DNAJC11: variants seen among roughly 807,000 people sequenced by gnomAD.
DNAJC11 encodes dnaJ homolog subfamily C member 11.
DNAJC11 carries 15 observed loss-of-function variants against 78.6 expected under a neutral mutation model. That is an observed-to-expected ratio of 0.19 (90% confidence interval 0.13 to 0.29). The LOEUF (loss-of-function observed/expected upper bound fraction) is 0.29. DNAJC11 is among the 10% of genes least tolerant of loss of function. DNAJC11 has a pLI of 1.00. For missense variants in DNAJC11, 547 were observed against 709.6 expected (o/e 0.77, Z 2.60); for synonymous variants, 292 against 272.1 (o/e 1.07, Z -0.72).
Position 6,653,099 on chromosome 1 carries a change from C to T in DNAJC11, c.508-148G>A. On this transcript the variant is annotated intron_variant, in intron 5 of 15. Transcript: ENST00000377577. This position sits in a 1 kb window ranked among gnomAD's most constrained non-coding sequence, Gnocchi z 4.5. ...ACACATGGATGCAGAACTGCCGCAA[C>T]AGCTTCACTTTTCTTCCGCTTTGTT... The T allele has an allele frequency of 1.1e-6, 1 of 908,894 alleles. No homozygotes were observed. Among genetic ancestry groups the T allele is most frequent in the Admixed American group, 2.4e-5 (1 of 40,830 alleles). The allele number at this position is 908,894 out of a possible 1,614,324, so 56.3% of individuals were successfully genotyped here.
In DNAJC11 at chr1:6,695,787, GAC is replaced by G. The variant is rs528668442; in HGVS notation, c.72+5940_72+5941del. The stretch of plus-strand genomic sequence containing the variant: ...TGCGCCATTGCACTCCAGCCAGGGT[GAC>G]AGTGTGAGACTCCATCTCAAAAAAA... On this transcript the variant is annotated intron_variant, in intron 1 of 15. Coordinates refer to ENST00000377577, the MANE Select transcript of DNAJC11 (RefSeq NM_018198.4). 2.9e-3 allele frequency among the ~76,000 whole-genome samples: 431 copies of G among 151,194 alleles called. 4 individuals carry two copies. The highest frequency in any genetic ancestry group is 0.011 in the East Asian group (55 of 5,164).
At chr1:6,652,478 T>C (rs887879951) in intron 6 of DNAJC11, among the ~76,000 whole-genome samples, 1 of 152,222 alleles carries the variant, frequency 6.6e-6, no homozygotes, top group Non-Finnish European at 1.5e-5. Context: ...TCCCCCAGAC[T>C]GGAGTGCAAC....
At chr1:6,635,984 G>T in intron 15 of DNAJC11, 133 bp downstream of exon 15, 1 of 1,309,006 alleles carries the variant, frequency 7.6e-7, no homozygotes. Context: ...CATGGGTCAA[G>T]GGCTAGTTGG....
At chr1:6,665,861 C>T (rs534404948) in intron 4 of DNAJC11, among the ~76,000 whole-genome samples, 22 of 149,680 alleles carry the variant, frequency 1.5e-4, no homozygotes, top group Admixed American at 1.5e-3. Context: ...CCCACCTCCC[C>T]CATCCCACCT....
intron 1 of DNAJC11, among the ~76,000 whole-genome samples, chr1:6,698,811 G>T (rs1642880666): frequency 6.6e-6 from 1 of 150,680 alleles, no homozygotes; most frequent in African/African-American, 2.4e-5. Context: ...CTGTGGTGGT[G>T]TGTGCCTGTA....
intron 10 of DNAJC11, among the ~76,000 whole-genome samples, chr1:6,640,670 A>C (rs1641861455): frequency 6.6e-6 from 1 of 151,770 alleles, no homozygotes; most frequent in African/African-American, 2.4e-5. Flanking sequence ...CATCTCTACC[A>C]AAAATACAAA....
Position 6,634,465 on chromosome 1 carries a change from C to T in DNAJC11, c.*1210G>A. ...AGTGCTGGGGAGGGAGGCCTGACTT[C>T]AGCAACAGCTGTGGGTGGGCTGGAG... On this transcript the variant is annotated 3_prime_UTR_variant, in exon 16 of 16. Transcript: ENST00000377577. 7.6e-7 allele frequency: 1 copy of T among 1,310,320 alleles called. No homozygotes were observed. Among genetic ancestry groups the T allele is most frequent in the Non-Finnish European group, 1.0e-6 (1 of 992,798 alleles). The allele number at this position is 1,310,320 out of a possible 1,614,324, so 81.2% of individuals were successfully genotyped here.
chr1:6,642,312 C>A (rs1036599485), intron 10 of DNAJC11, among the ~76,000 whole-genome samples: 1 of 152,204 alleles, frequency 6.6e-6, no homozygotes, highest in African/African-American at 2.4e-5. Flanking sequence ...CTACGGAAAG[C>A]AGACACACAA....
At chr1:6,669,601 C>T (rs944167746) in intron 3 of DNAJC11, among the ~76,000 whole-genome samples, 1 of 151,594 alleles carries the variant, frequency 6.6e-6, no homozygotes, top group African/African-American at 2.4e-5. Flanking sequence ...CAGTTCAGCC[C>T]TTCTTAGCTC....
intron 3 of DNAJC11, among the ~76,000 whole-genome samples, chr1:6,669,267 T>C (rs1190052073): frequency 6.6e-6 from 1 of 151,836 alleles, no homozygotes; most frequent in African/African-American, 2.4e-5. Flanking sequence ...CCCAGCACTT[T>C]GGGAGGCCGA....
intron 1 of DNAJC11, among the ~76,000 whole-genome samples, chr1:6,686,651 G>C (rs1642661656): frequency 6.6e-6 from 1 of 152,152 alleles, no homozygotes; most frequent in Non-Finnish European, 1.5e-5. Flanking sequence ...TTGACCACAA[G>C]GACACTAACT....
chr1:6,682,598 C>A (rs1040923806), intron 1 of DNAJC11, among the ~76,000 whole-genome samples: 31 of 152,144 alleles, frequency 2.0e-4, no homozygotes, highest in African/African-American at 7.0e-4. Flanking sequence ...CCTCCAGGAG[C>A]CTTCTGGCTC....
At chr1:6,701,542 C>G (rs550011542) in intron 1 of DNAJC11, among the ~76,000 whole-genome samples, 187 bp downstream of exon 1, 28 of 152,236 alleles carry the variant, frequency 1.8e-4, no homozygotes, top group African/African-American at 6.3e-4. Context: ...CCGGAACCCC[C>G]GGCGGGAGGG....
Position 6,651,616 on chromosome 1 carries a change from A to T in DNAJC11, c.631-14T>A. 1 of 1,611,762 alleles carries T rather than the reference A, an allele frequency of 6.2e-7. No individual in the cohort carries two copies. Among genetic ancestry groups the T allele is most frequent in the Non-Finnish European group, 8.5e-7 (1 of 1,178,078 alleles). ...TCCAAATTCCAACTGTTTGAAAAGG[A>T]AAAAGAGAAGGCATTAATGGTGTTT... On this transcript the variant is annotated splice_polypyrimidine_tract_variant and intron_variant, in intron 6 of 15. Coordinates refer to ENST00000377577, the MANE Select transcript of DNAJC11 (RefSeq NM_018198.4).
At position 6,694,969 on chromosome 1, in the gene DNAJC11, C is replaced by T. The variant is rs184157244; in HGVS notation, c.72+6760G>A. ...CAGCCTGGGCAACAAAGCGAGACTCCGAATCAAAAAAAAAAAAAAAAAAAA... is the reference window on the plus strand; with the variant it reads ...CAGCCTGGGCAACAAAGCGAGACTCTGAATCAAAAAAAAAAAAAAAAAAAA... On this transcript the variant is annotated intron_variant, in intron 1 of 15. Coordinates refer to ENST00000377577, the MANE Select transcript of DNAJC11 (RefSeq NM_018198.4). 5.8e-3 allele frequency among the ~76,000 whole-genome samples: 614 copies of T among 105,310 alleles called. 6 individuals carry two copies. The highest frequency in any genetic ancestry group is 0.02 in the African/African-American group (566 of 27,742). The allele number at this position is 105,310 out of a possible 152,430, so 69.1% of individuals were successfully genotyped here. A position where few individuals can be genotyped will look rare whatever the true frequency, so the allele number is the denominator to read the frequency against.
intron 1 of DNAJC11, among the ~76,000 whole-genome samples, chr1:6,691,514 T>C (rs1442564183): frequency 1.3e-5 from 2 of 152,212 alleles, no homozygotes; most frequent in Non-Finnish European, 2.9e-5. Flanking sequence ...TCAGATCCTA[T>C]CTTCACAGTA....
Position 6,634,669 on chromosome 1 carries a change from A to C in DNAJC11, c.*1006T>G, listed in dbSNP as rs752394189. On this transcript the variant is annotated 3_prime_UTR_variant, in exon 16 of 16. Coordinates refer to ENST00000377577, the MANE Select transcript of DNAJC11 (RefSeq NM_018198.4). ...GTGGAGGGGGTCCTAGCTCCGCTGC[A>C]TTCTGCATCCCAAGTGGGCACGTGG... 5 of 1,366,398 alleles carry C rather than the reference A, an allele frequency of 3.7e-6. No homozygotes were observed. In the Admixed American group the frequency reaches 7.6e-5, roughly 21 times the overall value. The allele number at this position is 1,366,398 out of a possible 1,614,324, so 84.6% of individuals were successfully genotyped here. A position where few individuals can be genotyped will look rare whatever the true frequency, so the allele number is the denominator to read the frequency against.
chr1:6,636,102 G>T lies in DNAJC11; in HGVS notation c.1654+15C>A. On this transcript the variant is annotated intron_variant, in intron 15 of 15. Coordinates refer to ENST00000377577, the MANE Select transcript of DNAJC11 (RefSeq NM_018198.4). ...GCCCCCGTTAGCTGGTGACTGCGAA[G>T]GGACGGCTACTCACACTGCTTTGGT... 1.9e-6 allele frequency: 3 copies of T among 1,611,022 alleles called. No homozygotes were observed. Among genetic ancestry groups the T allele is most frequent in the Non-Finnish European group, 1.7e-6 (2 of 1,178,344 alleles).
rs1451658869 is a variant in DNAJC11, at chr1:6,635,598, G to T, written c.*77C>A. The T allele has an allele frequency of 4.1e-6, 6 of 1,461,592 alleles. No individual in the cohort carries two copies. In the East Asian group the frequency reaches 6.8e-5, roughly 17 times the overall value. 90.5% of individuals were successfully genotyped at this position (1,461,592 alleles called of 1,614,324 possible). A position where few individuals can be genotyped will look rare whatever the true frequency, so the allele number is the denominator to read the frequency against. On this transcript the variant is annotated 3_prime_UTR_variant, in exon 16 of 16. Transcript: ENST00000377577. ...ATAAAATAAAAACATCTGATGTCTG[G>T]GTTTTTTCATTTCCAAATTTGTAGA...
Sources: allele counts gnomAD v4.1 joint callset (sites outside exome capture counted in the v4.1 genomes callset), GRCh38; gene constraint gnomAD v4.1.1; non-coding constraint Gnocchi (gnomAD v3.1); transcripts MANE v1.5; gene names NCBI Gene and HGNC (gene_info 2026-07-23, HGNC 2026-07-21).